ZNF277: variants seen among roughly 807,000 people sequenced by gnomAD.
The protein encoded by ZNF277 is zinc finger protein 277, also known as nuclear receptor-interacting factor 4.
ZNF277 carries 55 observed loss-of-function variants against 60.7 expected under a neutral mutation model. That is an observed-to-expected ratio of 0.91 (90% CI 0.73 to 1.13). The LOEUF (loss-of-function observed/expected upper bound fraction) is 1.13, where lower values mean the gene tolerates loss of function less well. Among genes scored for constraint, ZNF277 ranks in the 50% most tolerant of loss-of-function variants. ZNF277 has a pLI of 0.00. For synonymous variants in ZNF277, 178 were observed against 179.3 expected (o/e 0.99, Z 0.06); for missense variants, 510 against 523.0 (o/e 0.98, Z 0.24).
chr7:112,341,136 A>C (rs1287937116), intron 11 of ZNF277, 90 bp downstream of exon 11: 30 of 1,228,662 alleles, frequency 2.4e-5, no homozygotes, highest in Non-Finnish European at 3.1e-5. Flanking sequence ...CAGAAAAAAA[A>C]GGAATACATA....
chr7:112,340,521 AC>A (rs1793423054), intron 10 of ZNF277, among the ~76,000 whole-genome samples: 1 of 152,200 alleles, frequency 6.6e-6, no homozygotes, highest in South Asian at 2.1e-4. Flanking sequence ...ACATATATAT[AC>A]ATTGTTTATA....
At chr7:112,259,407 T>C (rs1791393346) in intron 1 of ZNF277, among the ~76,000 whole-genome samples, 1 of 152,100 alleles carries the variant, frequency 6.6e-6, no homozygotes, top group Admixed American at 6.6e-5. Flanking sequence ...GGAATAAAAA[T>C]TACGTAGTAG....
intron 1 of ZNF277, among the ~76,000 whole-genome samples, chr7:112,250,679 T>G (rs1303536563): frequency 2.6e-5 from 4 of 152,116 alleles, no homozygotes; most frequent in Non-Finnish European, 5.9e-5. Context: ...CCCCGATAGT[T>G]GAGAGTAGTG....
At chr7:112,343,934 GAAA>G (rs58956925), downstream of ZNF277, among the ~76,000 whole-genome samples, 5 of 113,914 alleles carry the variant, frequency 4.4e-5, no homozygotes, top group African/African-American at 1.5e-4. Flanking sequence ...TCAAAAAAAG[GAAA>G]AAAAAAAAAA....
At position 112,316,445 on chromosome 7, in the gene ZNF277, G is replaced by A. The variant is rs148345342; in HGVS notation, c.466-1737G>A. 4.6e-5 allele frequency among the ~76,000 whole-genome samples: 7 copies of A among 151,924 alleles called. No individual in the cohort carries two copies. In the East Asian group the frequency reaches 7.7e-4, roughly 17 times the overall value. On this transcript the variant is annotated intron_variant, in intron 4 of 11. Transcript: ENST00000361822. ...TCTTGTAAATTTGTGTAAGTTCCTTGTAGATTCTGGATATTAGCCCTTTGT... is the reference window on the plus strand; with the variant it reads ...TCTTGTAAATTTGTGTAAGTTCCTTATAGATTCTGGATATTAGCCCTTTGT...
chr7:112,310,652 C>G (rs1037934687), intron 4 of ZNF277, among the ~76,000 whole-genome samples: 9 of 151,918 alleles, frequency 5.9e-5, no homozygotes, highest in African/African-American at 2.2e-4. Context: ...CAGAGTTAAT[C>G]CATGGTTCTT....
intron 1 of ZNF277, among the ~76,000 whole-genome samples, chr7:112,236,974 T>C (rs1301598311): frequency 2.6e-5 from 4 of 152,098 alleles, no homozygotes; most frequent in Non-Finnish European, 5.9e-5. Flanking sequence ...GTAGACCATA[T>C]ATTAGGCTAC....
At chr7:112,257,243 CAATT>C (rs1791335106) in intron 1 of ZNF277, among the ~76,000 whole-genome samples, 1 of 152,146 alleles carries the variant, frequency 6.6e-6, no homozygotes. Context: ...TGCCTTGTGA[CAATT>C]AAACAAATAT....
rs1027398059 is a variant in ZNF277 at position 112,262,364 on chromosome 7, G to A, written c.92-24509G>A. On this transcript the variant is annotated intron_variant, in intron 1 of 11. Transcript: ENST00000361822. Reference sequence around the variant, plus strand: ...ATTTTCAGCTTTATATTAAATCTCAGCATGCAAGCCAAAAAGAGAGCACTG... The same window carrying A: ...ATTTTCAGCTTTATATTAAATCTCAACATGCAAGCCAAAAAGAGAGCACTG... Among the ~76,000 whole-genome samples the A allele has an allele frequency of 2.0e-5, 3 of 151,888 alleles. No homozygotes were observed. In the East Asian group the frequency reaches 5.8e-4, roughly 29 times the overall value.
intron 1 of ZNF277, among the ~76,000 whole-genome samples, chr7:112,247,731 G>A (rs573252616): frequency 1.3e-5 from 2 of 152,290 alleles, no homozygotes; most frequent in East Asian, 3.9e-4. Context: ...ACTTTGGGAA[G>A]TGGAGGTGGG....
intron 1 of ZNF277, among the ~76,000 whole-genome samples, chr7:112,253,295 G>A (rs963304249): frequency 2.3e-4 from 35 of 152,188 alleles, no homozygotes; most frequent in African/African-American, 8.2e-4. Flanking sequence ...TGGGAAATTT[G>A]GAGAAACTTC....
intron 2 of ZNF277, among the ~76,000 whole-genome samples, chr7:112,289,344 G>A (rs1316957727): frequency 6.6e-6 from 1 of 152,122 alleles, no homozygotes; most frequent in Non-Finnish European, 1.5e-5. Flanking sequence ...TTCTGTGTAT[G>A]TTGCCTTATA....
At chr7:112,314,994 A>G (rs1457673390) in intron 4 of ZNF277, among the ~76,000 whole-genome samples, 3 of 152,096 alleles carry the variant, frequency 2.0e-5, no homozygotes, top group African/African-American at 4.8e-5. Context: ...AGGTTCATTT[A>G]CAGTGAAATT....
chr7:112,271,563 T>C (rs1791669481), intron 1 of ZNF277, among the ~76,000 whole-genome samples: 1 of 150,526 alleles, frequency 6.6e-6, no homozygotes, highest in Admixed American at 6.6e-5. Context: ...TATAACTACA[T>C]TTTTTAAAAG....
intron 2 of ZNF277, among the ~76,000 whole-genome samples, chr7:112,293,130 A>G (rs760535347): frequency 3.3e-5 from 5 of 152,188 alleles, no homozygotes; most frequent in Non-Finnish European, 7.3e-5. Context: ...TTTGAATTCA[A>G]AGTCCTTGCT....
At chr7:112,261,929 C>T (rs1181379038) in intron 1 of ZNF277, among the ~76,000 whole-genome samples, 1 of 152,042 alleles carries the variant, frequency 6.6e-6, no homozygotes, top group African/African-American at 2.4e-5. Flanking sequence ...AGGCACTAAA[C>T]ATTTCAGAAT....
chr7:112,235,816 G>A (rs1822473030), intron 1 of ZNF277, among the ~76,000 whole-genome samples: 1 of 150,916 alleles, frequency 6.6e-6, no homozygotes. Flanking sequence ...TTAATCACTT[G>A]TATTCTTCAT....
intron 1 of ZNF277, among the ~76,000 whole-genome samples, chr7:112,218,046 A>G (rs1342650288): frequency 6.6e-6 from 1 of 152,066 alleles, no homozygotes; most frequent in African/African-American, 2.4e-5. Flanking sequence ...CCGATCCCCA[A>G]ATTTGGGGAG....
chr7:112,286,366 T>C (rs1294507192), intron 1 of ZNF277, among the ~76,000 whole-genome samples: 1 of 152,176 alleles, frequency 6.6e-6, no homozygotes, highest in African/African-American at 2.4e-5. Flanking sequence ...TTGTTCTTGT[T>C]TGTGACAAAT....
Sources: allele counts gnomAD v4.1 joint callset (sites outside exome capture counted in the v4.1 genomes callset), GRCh38; gene constraint gnomAD v4.1.1; transcripts MANE v1.5; gene names NCBI Gene and HGNC (gene_info 2026-07-23, HGNC 2026-07-21).